The following IGSF11 variants were observed in gnomAD, a reference collection of about 807,000 sequenced individuals.
IGSF11 encodes the protein CXADR like 1.
In IGSF11, 22 loss-of-function variants were observed where a neutral mutation model predicts 41.0. That is an observed-to-expected ratio of 0.54 (90% CI 0.38 to 0.77). The LOEUF (loss-of-function observed/expected upper bound fraction) is 0.77. Among genes scored for constraint, IGSF11 ranks in the 30% least tolerant of loss-of-function variants. The pLI, the probability that IGSF11 is intolerant of heterozygous loss-of-function variation, is 0.00. For missense variants in IGSF11, 444 were observed against 530.8 expected, an observed-to-expected ratio of 0.84 and a Z score of 1.61; for synonymous variants, 219 against 201.3, an observed-to-expected ratio of 1.09 and a Z score of -0.74.
At chr3:119,017,652 G>A (rs116553349) in intron 1 of IGSF11, among the ~76,000 whole-genome samples, 429 of 151,830 alleles carry the variant, frequency 2.8e-3, no homozygotes, top group Non-Finnish European at 4.5e-3. Context: ...GCCAGGTTGT[G>A]GTAAAAATTA....
intron 1 of IGSF11, among the ~76,000 whole-genome samples, chr3:119,004,237 T>G (rs1196315765): frequency 6.6e-6 from 1 of 151,646 alleles, no homozygotes; most frequent in Non-Finnish European, 1.5e-5. Context: ...CTAGATTTTC[T>G]AGTTTATTTG....
chr3:119,018,555 T>C (rs922844923), intron 1 of IGSF11, among the ~76,000 whole-genome samples: 4 of 152,252 alleles, frequency 2.6e-5, no homozygotes, highest in Non-Finnish European at 4.4e-5. Context: ...GTTTACCTAT[T>C]ATCTTACTTA....
At chr3:118,942,382 C>T (rs760443145) in intron 1 of IGSF11, among the ~76,000 whole-genome samples, 2 of 152,196 alleles carry the variant, frequency 1.3e-5, no homozygotes, top group African/African-American at 4.8e-5. Flanking sequence ...ACACTACCAT[C>T]CTGCAAAGCC....
intron 1 of IGSF11, among the ~76,000 whole-genome samples, chr3:119,127,447 C>G (rs1215201871): frequency 6.6e-6 from 1 of 151,932 alleles, no homozygotes; most frequent in Non-Finnish European, 1.5e-5. Context: ...ATGGAAAACA[C>G]ACTTCAGCAT....
At chr3:118,968,236 A>T (rs559026070) in intron 1 of IGSF11, among the ~76,000 whole-genome samples, 1 of 152,294 alleles carries the variant, frequency 6.6e-6, no homozygotes, top group East Asian at 1.9e-4. Context: ...CCAACGCACG[A>T]CTAGGGGAAG....
intron 1 of IGSF11, among the ~76,000 whole-genome samples, chr3:119,142,994 C>T (rs2077670253): frequency 6.6e-6 from 1 of 152,028 alleles, no homozygotes; most frequent in South Asian, 2.1e-4. Flanking sequence ...CTACATTCAG[C>T]AAAACTACCT....
In IGSF11 at chr3:118,982,503, G is replaced by A. The variant is rs555078839; in HGVS notation, c.52+52028C>T. On this transcript the variant is annotated intron_variant, in intron 1 of 6. Coordinates refer to ENST00000393775, the MANE Select transcript of IGSF11 (RefSeq NM_001015887.3). The stretch of plus-strand genomic sequence containing the variant: ...TGTTTCCCATTTAGAAAGATGTTAA[G>A]AAGCTTTAAAGAAAGAAAATTCTAT... 2.8e-4 allele frequency among the ~76,000 whole-genome samples: 42 copies of A among 152,234 alleles called. 2 individuals are homozygous for A. In the South Asian group the frequency reaches 8.3e-3, roughly 30 times the overall value.
intron 1 of IGSF11, among the ~76,000 whole-genome samples, chr3:119,023,013 G>A (rs936097231): frequency 1.3e-5 from 2 of 151,940 alleles, no homozygotes; most frequent in East Asian, 3.9e-4. Context: ...TGTAACCCCC[G>A]CACTTTGGGA....
In IGSF11 at chr3:119,021,466, G is replaced by A. The variant is rs190386893; in HGVS notation, c.52+13065C>T. The stretch of plus-strand genomic sequence containing the variant: ...GGACCATATGTGTCTTTTGGGAGAT[G>A]AGTCTTCATGACTTATTTATTAATA... On this transcript the variant is annotated intron_variant, in intron 1 of 6. Coordinates refer to ENST00000393775, the MANE Select transcript of IGSF11 (RefSeq NM_001015887.3). Among the ~76,000 whole-genome samples the A allele has an allele frequency of 5.9e-5, 9 of 152,174 alleles. No individual in the cohort carries two copies. The East Asian group carries it at 1.7e-3, about 29-fold the overall frequency.
At chr3:119,072,628 TA>T (rs1277997548) in intron 1 of IGSF11, among the ~76,000 whole-genome samples, 2 of 152,176 alleles carry the variant, frequency 1.3e-5, no homozygotes, top group African/African-American at 4.8e-5. Flanking sequence ...TTACAGCTCT[TA>T]AGGCAGTGCG....
In IGSF11 at chr3:118,928,678, G is replaced by A. The variant is rs1385994283; in HGVS notation, c.255C>T (p.Ala85=). The change falls in exon 3 of 7, where the codon GCC becomes GCT. Residue 85 remains alanine (A), a synonymous_variant. Coordinates refer to ENST00000393775, the MANE Select transcript of IGSF11 (RefSeq NM_001015887.3). ...ATCCTACCCTACCGTGGAACCGGGG[G>A]GCACCATCAAACATCTGTCCACCCT... ...LYQGGQMFDG[A]PRFHGRVGFT... The A allele has an allele frequency of 1.2e-6, 2 of 1,613,980 alleles. No individual in the cohort carries two copies. The highest frequency in any genetic ancestry group is 2.2e-5 in the East Asian group (1 of 44,866).
intron 1 of IGSF11, among the ~76,000 whole-genome samples, chr3:119,080,890 C>CA (rs2076575691): frequency 6.6e-6 from 1 of 151,882 alleles, no homozygotes; most frequent in African/African-American, 2.4e-5. Context: ...CCCCACAAAT[C>CA]AAAAAATCTA....
intron 1 of IGSF11, among the ~76,000 whole-genome samples, chr3:119,078,267 A>G (rs1162070750): frequency 6.6e-6 from 1 of 152,226 alleles, no homozygotes; most frequent in Non-Finnish European, 1.5e-5. Flanking sequence ...GTCAAGTACT[A>G]TACTACAAGG....
chr3:118,928,318 G>A (rs143906256), intron 3 of IGSF11, among the ~76,000 whole-genome samples, 191 bp downstream of exon 3: 55 of 152,226 alleles, frequency 3.6e-4, no homozygotes, highest in East Asian at 2.1e-3. Context: ...TTTAGAGACC[G>A]CCGGAAATGA....
At chr3:119,025,151 C>G (rs1939699829) in intron 1 of IGSF11, among the ~76,000 whole-genome samples, 1 of 151,960 alleles carries the variant, frequency 6.6e-6, no homozygotes, top group Non-Finnish European at 1.5e-5. Flanking sequence ...AGAGGAAAGT[C>G]AAGTAACTAT....
At chr3:119,000,824 T>C (rs896823014) in intron 1 of IGSF11, among the ~76,000 whole-genome samples, 16 of 152,188 alleles carry the variant, frequency 1.1e-4, no homozygotes, top group Non-Finnish European at 2.4e-4. Flanking sequence ...TGAATCCTAA[T>C]ATATTAGCCA....
Position 119,050,653 on chromosome 3 carries a change from C to A in IGSF11, c.49+54491G>T, listed in dbSNP as rs547545459. ...CAGCCATCCCATTACTGGGTATATA[C>A]CCAAAGGGTTATAAATCATGCTGCT... On this transcript the variant is annotated intron_variant, in intron 1 of 6. Transcript: ENST00000354673. Among the ~76,000 whole-genome samples the A allele has an allele frequency of 3.1e-3, 468 of 152,148 alleles. 1 individual carries two copies. The highest frequency in any genetic ancestry group is 0.011 in the African/African-American group (439 of 41,482).
rs569510213 is a variant in IGSF11, at chr3:118,939,577, A to AAAG, written c.53-9303_53-9302insCTT. On this transcript the variant is annotated intron_variant, in intron 1 of 6. Transcript: ENST00000393775. ...GGTGACAGAGCAAGACTCCGTCTCA[A>AAAG]AAAAAAAAAAATCACTTCTAAATAA... is the stretch of plus-strand genomic sequence containing the variant. Among the ~76,000 whole-genome samples, 1,280 of 150,138 alleles carry AAAG rather than the reference A, an allele frequency of 8.5e-3. 24 individuals carry two copies. The highest frequency in any genetic ancestry group is 0.03 in the African/African-American group (1,225 of 41,302).
At chr3:118,953,516 C>G (rs892993790) in intron 1 of IGSF11, among the ~76,000 whole-genome samples, 1 of 152,164 alleles carries the variant, frequency 6.6e-6, no homozygotes, top group African/African-American at 2.4e-5. Flanking sequence ...TACATTCCCA[C>G]CAGAGGTGTA....
Sources: allele counts gnomAD v4.1 joint callset (sites outside exome capture counted in the v4.1 genomes callset), GRCh38; gene constraint gnomAD v4.1.1; transcripts MANE v1.5; gene names NCBI Gene and HGNC (gene_info 2026-07-23, HGNC 2026-07-21).